The following GRHL3 variants were observed in gnomAD, a reference collection of about 807,000 sequenced individuals.
The protein encoded by GRHL3 is grainyhead-like protein 3 homolog.
Under a neutral mutation model 70.3 loss-of-function variants are expected in GRHL3, and 20 were observed. That is an observed-to-expected ratio of 0.28 (90% CI 0.20 to 0.41). The LOEUF (loss-of-function observed/expected upper bound fraction) is 0.41, where lower values mean the gene tolerates loss of function less well. Ranked by LOEUF, GRHL3 falls within the 10% of genes least tolerant of loss-of-function variation. The pLI is 1.00. For synonymous variants in GRHL3, 299 were observed against 299.9 expected, an observed-to-expected ratio of 1.00 and a Z score of 0.03; for missense variants, 637 against 762.3, an observed-to-expected ratio of 0.84 and a Z score of 1.94.
At chr1:24,360,137 A>C (rs918728383), downstream of GRHL3, among the ~76,000 whole-genome samples, 1 of 152,196 alleles carries the variant, frequency 6.6e-6, no homozygotes, top group African/African-American at 2.4e-5. Context: ...AGTAGTTTAA[A>C]TATTTTTAAG....
At chr1:24,344,756 G>A (rs1640178201) in intron 11 of GRHL3, 141 bp from the exon 12 acceptor site, 4 of 879,860 alleles carry the variant, frequency 4.5e-6, no homozygotes, top group Admixed American at 4.0e-5. Flanking sequence ...ACTTGTCTGA[G>A]CAGAATGGGC....
Position 24,342,784 on chromosome 1 carries a change from T to A in GRHL3, c.1285+12T>A. On this transcript the variant is annotated intron_variant, in intron 10 of 15. Coordinates refer to ENST00000361548, the MANE Select transcript of GRHL3 (RefSeq NM_198173.3). The surrounding 1 kb of genome is among the most constrained non-coding windows in gnomAD (Gnocchi z 4.8). ...CTCCAGCAACAGTGGTCAGTGGGGA[T>A]CCAGGGCCTGGGTGGGCTCGGCTGG... The A allele has an allele frequency of 6.2e-7, 1 of 1,614,004 alleles. No individual in the cohort carries two copies. The highest frequency in any genetic ancestry group is 8.5e-7 in the Non-Finnish European group (1 of 1,179,912).
At chr1:24,343,371 CTG>C (rs1382042418) in intron 11 of GRHL3, 1 of 263,806 alleles carries the variant, frequency 3.8e-6, no homozygotes, top group African/African-American at 2.1e-5. Context: ...AGGTGCGGCT[CTG>C]AGCGCTTCCC....
At chr1:24,359,207 C>T (rs555466387), downstream of GRHL3, among the ~76,000 whole-genome samples, 2 of 152,312 alleles carry the variant, frequency 1.3e-5, no homozygotes, top group East Asian at 1.9e-4. The surrounding 1 kb of genome is among the most constrained non-coding windows in gnomAD (Gnocchi z 5.3). Flanking sequence ...GGCACGTGCA[C>T]GTGCCCAGGA....
intron 11 of GRHL3, 178 bp downstream of exon 11, chr1:24,343,203 G>C: frequency 1.6e-6 from 1 of 612,040 alleles, no homozygotes. Context: ...GTGACCTATT[G>C]TATTGAAGAG....
intron 1 of GRHL3, 42 bp downstream of exon 1, chr1:24,319,610 G>A: frequency 2.5e-6 from 4 of 1,613,582 alleles, no homozygotes; most frequent in Non-Finnish European, 3.4e-6. Flanking sequence ...TCAGAGCGTG[G>A]AGGCTGGATG....
At chr1:24,343,244 C>A in intron 11 of GRHL3, 1 of 539,862 alleles carries the variant, frequency 1.9e-6, no homozygotes, top group South Asian at 2.8e-5. Flanking sequence ...GATTTCGTAA[C>A]CATTAAAACG....
rs921575441 is a variant in GRHL3 at position 24,334,371 on chromosome 1, G to A, written c.205-274G>A. Among the ~76,000 whole-genome samples, 7 of 152,248 alleles carry A rather than the reference G, an allele frequency of 4.6e-5. No homozygotes were observed. Among genetic ancestry groups the A allele is most frequent in the Non-Finnish European group, 8.8e-5 (6 of 68,030 alleles). On this transcript the variant is annotated intron_variant, in intron 2 of 15. Transcript: ENST00000361548. The surrounding 1 kb of genome is among the most constrained non-coding windows in gnomAD (Gnocchi z 4.3). ...GCGGCAGCAAGGAAAAGTCCCGAGC[G>A]AAAGGGAGAAAGCCCTCTTATAAAA...
rs1337651466 is a variant in GRHL3 at position 24,322,328 on chromosome 1, G to A, written c.17+2760G>A. Reference sequence around the variant, plus strand: ...AACCGTCGCAGTCCTGACCGCGGCCGCCGCCGCCGTTCTATCTGATCTCCA... The same window carrying A: ...AACCGTCGCAGTCCTGACCGCGGCCACCGCCGCCGTTCTATCTGATCTCCA... On this transcript the variant is annotated intron_variant, in intron 1 of 15. Coordinates refer to ENST00000361548, the MANE Select transcript of GRHL3 (RefSeq NM_198173.3). The surrounding 1 kb of genome is among the most constrained non-coding windows in gnomAD (Gnocchi z 4.4). Among the ~76,000 whole-genome samples the A allele has an allele frequency of 6.6e-6, 1 of 152,154 alleles. No individual in the cohort carries two copies. The highest frequency in any genetic ancestry group is 6.5e-5 in the Admixed American group (1 of 15,286).
chr1:24,329,143 A>G (rs1257249791), intron 1 of GRHL3, among the ~76,000 whole-genome samples: 2 of 152,154 alleles, frequency 1.3e-5, no homozygotes, highest in East Asian at 3.9e-4. Flanking sequence ...AGAACAGGAA[A>G]GTTTCTGTCA....
rs186239168 is a variant in GRHL3 at position 24,334,648 on chromosome 1, C to A, written c.208C>A (p.Pro70Thr). The A allele has an allele frequency of 1.9e-6, 3 of 1,610,490 alleles. No individual in the cohort carries two copies. In the African/African-American group the frequency reaches 4.0e-5, roughly 21 times the overall value. Residue 70 changes from proline to threonine, a missense_variant, in exon 3 of 16, where the codon CCC (proline) becomes ACC (threonine). Around this residue, in one of 2 missense-constraint regions of GRHL3, gnomAD observed 250 missense variants for 248.6 expected, o/e 1.01. Transcript: ENST00000361548. This position sits in a 1 kb window ranked among gnomAD's most constrained non-coding sequence, Gnocchi z 4.3. ...TCCTTCCTTTCTCTCTTCTCAGGGT[C>A]CCAAGGAGAAGCGGATATTGTCCTC... ...LSFLYDYYMG[P>T]KEKRILSSST...
At chr1:24,339,949 C>A (rs1468087534) in intron 8 of GRHL3, among the ~76,000 whole-genome samples, 187 bp downstream of exon 8, 1 of 152,186 alleles carries the variant, frequency 6.6e-6, no homozygotes, top group African/African-American at 2.4e-5. Context: ...CGCATCCCAC[C>A]CTTCCACCTA....
At chr1:24,327,351 C>G (rs1375512378) in intron 1 of GRHL3, among the ~76,000 whole-genome samples, 1 of 152,200 alleles carries the variant, frequency 6.6e-6, no homozygotes, top group Non-Finnish European at 1.5e-5. Flanking sequence ...TCTTATCTGT[C>G]TCATTTTAGT....
chr1:24,348,324 T>G, intron 14 of GRHL3, among the ~76,000 whole-genome samples: 1 of 152,138 alleles, frequency 6.6e-6, no homozygotes, highest in East Asian at 1.9e-4. Context: ...TCTCCTCATT[T>G]CCCGCAAGGA....
chr1:24,345,031 T>C (rs28528915), intron 12 of GRHL3, 100 bp downstream of exon 12: 13,388 of 573,994 alleles, frequency 0.023, 3,184 homozygotes, highest in East Asian at 0.11. Context: ...GTGCCCCCTC[T>C]ACACCTGTGC....
intron 4 of GRHL3, 100 bp downstream of exon 4, chr1:24,336,927 G>A (rs1382941648): frequency 7.2e-6 from 9 of 1,252,172 alleles, no homozygotes; most frequent in Non-Finnish European, 9.1e-6. Context: ...ATCCATGGGG[G>A]AAAGCATCCT....
intron 8 of GRHL3, among the ~76,000 whole-genome samples, chr1:24,341,667 G>A (rs1420530011): frequency 6.6e-6 from 1 of 152,146 alleles, no homozygotes; most frequent in Non-Finnish European, 1.5e-5. Context: ...GTGTCTCTGG[G>A]CCAGCAGGAA....
At chr1:24,326,549 T>C (rs1403918493) in intron 1 of GRHL3, among the ~76,000 whole-genome samples, 3 of 152,220 alleles carry the variant, frequency 2.0e-5, no homozygotes, top group Non-Finnish European at 4.4e-5. Context: ...TTTGTGGTCA[T>C]GTAGGTCTTA....
rs555558575 is a variant in GRHL3, at chr1:24,326,890, A to G, written c.18-4536A>G. On this transcript the variant is annotated intron_variant, in intron 1 of 15. Transcript: ENST00000361548. ...ATTTCCTGGTCTGTAAAGTAGGGAT[A>G]ATAACACATCATGTATGTTGGGAGG... 5.9e-5 allele frequency among the ~76,000 whole-genome samples: 9 copies of G among 152,338 alleles called. No individual in the cohort carries two copies. In the South Asian group the frequency reaches 1.0e-3, roughly 18 times the overall value.
Sources: allele counts gnomAD v4.1 joint callset (sites outside exome capture counted in the v4.1 genomes callset), GRCh38; gene constraint gnomAD v4.1.1; regional missense constraint gnomAD v4.1.1; non-coding constraint Gnocchi (gnomAD v3.1); transcripts MANE v1.5; gene names NCBI Gene and HGNC (gene_info 2026-07-23, HGNC 2026-07-21).